The following SKIDA1 variants were observed in gnomAD, a reference collection of about 807,000 sequenced individuals.
SKIDA1 encodes the protein SKI/DACH domain-containing protein 1.
A neutral mutation model predicts 51.4 loss-of-function variants in SKIDA1; 18 were observed. The observed-to-expected ratio is 0.35, with a 90% CI of 0.24 to 0.52. The LOEUF is 0.52. Among genes scored for constraint, SKIDA1 ranks in the 20% least tolerant of loss-of-function variants. The pLI is 0.95. For synonymous variants in SKIDA1, 579 were observed against 500.5 expected (o/e 1.16, Z -2.09); for missense variants, 1,104 against 1,180.6 (o/e 0.94, Z 0.95).
chr10:21,517,441 G>T lies in SKIDA1; in HGVS notation c.382C>A (p.Arg128Ser), dbSNP rs1334070456. 2 of 1,498,192 alleles carry T rather than the reference G, an allele frequency of 1.3e-6. No individual in the cohort carries two copies. The highest frequency in any genetic ancestry group is 2.7e-5 in the South Asian group (2 of 75,364). The allele number at this position is 1,498,192 out of a possible 1,614,324, so 92.8% of individuals were successfully genotyped here. A position where few individuals can be genotyped will look rare whatever the true frequency, so the allele number is the denominator to read the frequency against. The change falls in exon 4 of 4, where the codon CGC (arginine) becomes AGC (serine). Residue 128 changes from arginine to serine, a missense_variant. By Grantham distance (110) the Arg-to-Ser change is moderately radical. Coordinates refer to ENST00000449193, the MANE Select transcript of SKIDA1 (RefSeq NM_207371.4). The surrounding 1 kb of genome is among the most constrained non-coding windows in gnomAD (Gnocchi z 6.9). ...PPERAAAASPRPGFWKDKHQL... is the reference protein window; with the variant it reads ...PPERAAAASPSPGFWKDKHQL... ...TGCTTGTCCTTCCAAAATCCCGGGCGGGGGCTGGCGGCAGCGGCGCGCTCT... is the reference window on the plus strand; with the variant it reads ...TGCTTGTCCTTCCAAAATCCCGGGCTGGGGCTGGCGGCAGCGGCGCGCTCT...
At chr10:21,524,987 T>C (rs2032629793) in intron 1 of SKIDA1, among the ~76,000 whole-genome samples, 1 of 152,136 alleles carries the variant, frequency 6.6e-6, no homozygotes, top group African/African-American at 2.4e-5. Context: ...GACTAAATAA[T>C]AATAAAAAAG....
rs1057164575 is a variant in SKIDA1 at position 21,523,875 on chromosome 10, C to G, written c.-2117-4G>C. 1 of 121,224 alleles carries G rather than the reference C, an allele frequency of 8.2e-6. No homozygotes were observed. Among genetic ancestry groups the G allele is most frequent in the Non-Finnish European group, 1.7e-5 (1 of 57,456 alleles). 7.5% of individuals were successfully genotyped at this position (121,224 alleles called of 1,614,324 possible). On this transcript the variant is annotated splice_polypyrimidine_tract_variant and splice_region_variant and intron_variant, in intron 1 of 3. Transcript: ENST00000449193. ...CACTGCTGCAGCTACTGGGAACCTA[C>G]AAAAAAGCGGGAGATAAAAAAAAAA...
In SKIDA1 at chr10:21,516,878, CGCCGCCGCCGCT is replaced by C. The variant is rs1313066916; in HGVS notation, c.933_944del (p.Ala315_Ala318del). On this transcript the variant is annotated inframe_deletion, in exon 4 of 4. Coordinates refer to ENST00000449193, the MANE Select transcript of SKIDA1 (RefSeq NM_207371.4). The surrounding 1 kb of genome is among the most constrained non-coding windows in gnomAD (Gnocchi z 5.7). ...CCAGGCAAGTGGCCCCCGCGGCGGC[CGCCGCCGCCGCT>C]GCCGCCGCCGCCGCCGCCGCCGCCG... 6.7e-5 allele frequency: 77 copies of C among 1,151,888 alleles called. 4 individuals carry two copies. The highest frequency in any genetic ancestry group is 4.3e-4 in the Admixed American group (9 of 20,938). The allele number at this position is 1,151,888 out of a possible 1,614,324, so 71.4% of individuals were successfully genotyped here.
chr10:21,524,305 T>C (rs1588692087), intron 1 of SKIDA1, among the ~76,000 whole-genome samples: 1 of 152,320 alleles, frequency 6.6e-6, no homozygotes, highest in South Asian at 2.1e-4. Flanking sequence ...TTCCGTTAAA[T>C]GCCGATACAA....
chr10:21,515,054 A>G lies in SKIDA1; in HGVS notation c.*42T>C. The G allele has an allele frequency of 6.6e-7, 1 of 1,513,220 alleles. No homozygotes were observed. Among genetic ancestry groups the G allele is most frequent in the Non-Finnish European group, 8.8e-7 (1 of 1,130,458 alleles). The allele number at this position is 1,513,220 out of a possible 1,614,324, so 93.7% of individuals were successfully genotyped here. On this transcript the variant is annotated 3_prime_UTR_variant, in exon 4 of 4. Coordinates refer to ENST00000449193, the MANE Select transcript of SKIDA1 (RefSeq NM_207371.4). ...ACCATCCTGTGCAGTTTACAACAAA[A>G]GGAAGGTAATATGGTTCAAGAAAAT...
rs2131272024 is a variant in SKIDA1 at position 21,516,893 on chromosome 10, C to CGGGTGTTT, written c.929_930insAAACACCC (p.Ala311AsnfsTer238). 2.1e-5 allele frequency: 24 copies of CGGGTGTTT among 1,117,556 alleles called. No homozygotes were observed. The South Asian group carries it at 2.5e-4, about 12-fold the overall frequency. The allele number at this position is 1,117,556 out of a possible 1,614,324, so 69.2% of individuals were successfully genotyped here. A position where few individuals can be genotyped will look rare whatever the true frequency, so the allele number is the denominator to read the frequency against. The stretch of plus-strand genomic sequence containing the variant: ...CCGCGGCGGCCGCCGCCGCCGCTGC[C>CGGGTGTTT]GCCGCCGCCGCCGCCGCCGCCGCCT... On this transcript the variant is annotated frameshift_variant, in exon 4 of 4. Coordinates refer to ENST00000449193, the MANE Select transcript of SKIDA1 (RefSeq NM_207371.4). LOFTEE classifies it high-confidence loss of function. This position sits in a 1 kb window ranked among gnomAD's most constrained non-coding sequence, Gnocchi z 5.7.
rs201491848 is a variant in SKIDA1 at position 21,515,873 on chromosome 10, A to G, written c.1950T>C (p.Ser650=). The change falls in exon 4 of 4, where the codon TCT becomes TCC. Residue 650 remains serine (S), a synonymous_variant. Coordinates refer to ENST00000449193, the MANE Select transcript of SKIDA1 (RefSeq NM_207371.4). ...HCPEFATDLP[S]SQTDPEVNAA... ...CGTTCACTTCAGGATCAGTCTGCGA[A>G]GAGGGCAAATCCGTAGCAAATTCAG... is the stretch of plus-strand genomic sequence containing the variant. 5 of 1,614,070 alleles carry G rather than the reference A, an allele frequency of 3.1e-6. No homozygotes were observed. In the East Asian group the frequency reaches 1.1e-4, roughly 36 times the overall value.
Position 21,515,780 on chromosome 10 carries a change from A to C in SKIDA1, c.2043T>G (p.Phe681Leu). 1 of 1,614,044 alleles carries C rather than the reference A, an allele frequency of 6.2e-7. No homozygotes were observed. The highest frequency in any genetic ancestry group is 8.5e-7 in the Non-Finnish European group (1 of 1,179,902). Residue 681 changes from phenylalanine (F) to leucine (L), a missense_variant, in exon 4 of 4, where the codon TTT (phenylalanine) becomes TTG (leucine). Coordinates refer to ENST00000449193, the MANE Select transcript of SKIDA1 (RefSeq NM_207371.4). ...CTDTGDKTLP[F>L]LHNIKIKVED... is the part of the protein sequence containing the mutation. ...CTACTTTGATTTTAATATTGTGCAG[A>C]AATGGCAATGTCTTGTCGCCTGTGT...
At position 21,518,598 on chromosome 10, in the gene SKIDA1, CGT is replaced by C. The variant is rs1290092563; in HGVS notation, c.-778_-777del. Reference sequence around the variant, plus strand: ...TTAAAGAAATACTGCCTATTTTTTTCGTTTATTTGCATTTTACCGATACAGCT... The same window carrying C: ...TTAAAGAAATACTGCCTATTTTTTTCTTATTTGCATTTTACCGATACAGCT... On this transcript the variant is annotated 5_prime_UTR_variant, in exon 4 of 4. It introduces an in-frame stop codon into an upstream open reading frame of the 5' UTR. Coordinates refer to ENST00000449193, the MANE Select transcript of SKIDA1 (RefSeq NM_207371.4). 1 of 165,576 alleles carries C rather than the reference CGT, an allele frequency of 6.0e-6. No individual in the cohort carries two copies. The highest frequency in any genetic ancestry group is 6.6e-5 in the Admixed American group (1 of 15,182). 10.3% of individuals were successfully genotyped at this position (165,576 alleles called of 1,614,324 possible). A position where few individuals can be genotyped will look rare whatever the true frequency, so the allele number is the denominator to read the frequency against.
rs1341694553 is a variant in SKIDA1, at chr10:21,519,499, G to A, written c.-1677C>T. 5.4e-5 allele frequency: 9 copies of A among 166,984 alleles called. No homozygotes were observed. Among genetic ancestry groups the A allele is most frequent in the African/African-American group, 1.7e-4 (7 of 41,424 alleles). 10.3% of individuals were successfully genotyped at this position (166,984 alleles called of 1,614,324 possible). A position where few individuals can be genotyped will look rare whatever the true frequency, so the allele number is the denominator to read the frequency against. On this transcript the variant is annotated 5_prime_UTR_variant, in exon 4 of 4. Transcript: ENST00000449193. ...CCCAGTCGCATTACCACGATCCCAA[G>A]GCGGCTCCTTGGCTGCTTTGCAAAA...
At chr10:21,523,465 T>C (rs2032495432) in intron 2 of SKIDA1, among the ~76,000 whole-genome samples, 1 of 152,208 alleles carries the variant, frequency 6.6e-6, no homozygotes, top group Non-Finnish European at 1.5e-5. Context: ...TATCTTGTTT[T>C]GTTGTAATAT....
rs746498800 is a variant in SKIDA1, at chr10:21,516,521, C to A, written c.1302G>T (p.Ser434=). 9 of 1,578,564 alleles carry A rather than the reference C, an allele frequency of 5.7e-6. No individual in the cohort carries two copies. In the Admixed American group the frequency reaches 1.7e-4, roughly 29 times the overall value. ...EEEEEGGSGA[S]DSSEVSSEEE... ...CCTCCGAGCTGACTTCACTGGAATC[C>A]GAGGCCCCGCTGCCCCCCTCCTCCT... The change falls in exon 4 of 4, where the codon TCG becomes TCT. Residue 434 remains serine, a synonymous_variant. Transcript: ENST00000449193. This position sits in a 1 kb window ranked among gnomAD's most constrained non-coding sequence, Gnocchi z 5.7.
At position 21,515,359 on chromosome 10, in the gene SKIDA1, C is replaced by T; in HGVS notation, c.2464G>A (p.Asp822Asn). The stretch of plus-strand genomic sequence containing the variant: ...TTGCGTCTGTTTATAACTGTAAAAT[C>T]ATCCAGTGTTCCTTCATTTGTCTCA... Reference protein sequence around the residue: ...KTETNEGTLDDFTVINRRKKV... With the variant: ...KTETNEGTLDNFTVINRRKKV... Residue 822 changes from aspartate to asparagine, a missense_variant, in exon 4 of 4, where the codon GAT (aspartate) becomes AAT (asparagine). Asp to Asn is a conservative substitution (Grantham distance 23). This residue lies in a region of SKIDA1 where 112 missense variants were observed against 168.3 expected (regional missense o/e 0.67). Coordinates refer to ENST00000449193, the MANE Select transcript of SKIDA1 (RefSeq NM_207371.4). 6.2e-7 allele frequency: 1 copy of T among 1,614,004 alleles called. No homozygotes were observed. The highest frequency in any genetic ancestry group is 8.5e-7 in the Non-Finnish European group (1 of 1,179,894).
rs190136529 is a variant in SKIDA1, at chr10:21,515,112, C to T, written c.2711G>A (p.Arg904Lys). 12 of 1,598,838 alleles carry T rather than the reference C, an allele frequency of 7.5e-6. No individual in the cohort carries two copies. The highest frequency in any genetic ancestry group is 1.0e-5 in the Non-Finnish European group (12 of 1,174,192). The change falls in exon 4 of 4, where the codon AGG becomes AAG. Residue 904 changes from arginine (R) to lysine (K), a missense_variant. Around this residue, in one of 3 missense-constraint regions of SKIDA1, gnomAD observed 112 missense variants for 168.3 expected, o/e 0.67. Coordinates refer to ENST00000449193, the MANE Select transcript of SKIDA1 (RefSeq NM_207371.4). ...AAAACATTTTTATGAATTAAATTTC[C>T]TGAATTTGTGACTAGGTGGAAGAGG... Reference protein sequence around the residue: ...AIPLPPSHKFRKFNS With the variant: ...AIPLPPSHKFKKFNS
chr10:21,520,725 C>A (rs2032370639), intron 3 of SKIDA1, among the ~76,000 whole-genome samples: 1 of 151,490 alleles, frequency 6.6e-6, no homozygotes, highest in Non-Finnish European at 1.5e-5. Context: ...CCTTCTTTTC[C>A]TCTCTCTTCC....
rs897987701 is a variant in SKIDA1, at chr10:21,520,765, A to G, written c.-1837+624T>C. On this transcript the variant is annotated intron_variant, in intron 3 of 3. Transcript: ENST00000449193. ...TTTCCACCTTTAAAATATTGGCAATATAGGTGGTTTTGAAAACTAGTAGCA... is the reference window on the plus strand; with the variant it reads ...TTTCCACCTTTAAAATATTGGCAATGTAGGTGGTTTTGAAAACTAGTAGCA... 1.3e-4 allele frequency among the ~76,000 whole-genome samples: 19 copies of G among 151,790 alleles called. No individual in the cohort carries two copies. In the East Asian group the frequency reaches 1.7e-3, roughly 14 times the overall value.
intron 3 of SKIDA1, among the ~76,000 whole-genome samples, chr10:21,520,490 C>A (rs2032364063): frequency 4.3e-5 from 2 of 46,446 alleles, no homozygotes; most frequent in African/African-American, 1.2e-4. Flanking sequence ...CCCCGCCATT[C>A]CCCTCCCCCA....
chr10:21,515,940 G>T lies in SKIDA1; in HGVS notation c.1883C>A (p.Ala628Glu), dbSNP rs372541967. ...GGAATATTTTTCTGAATTTGCTTCT[G>T]CTCCTGAAGAATCATTATTTAAGAA... ...ARFLNNDSSGAEANSEKYSKI... is the reference protein window; with the variant it reads ...ARFLNNDSSGEEANSEKYSKI... Residue 628 changes from alanine to glutamate, a missense_variant, in exon 4 of 4, where the codon GCA becomes GAA. Around this residue, in one of 3 missense-constraint regions of SKIDA1, gnomAD observed 938 missense variants for 886.4 expected, o/e 1.06. Coordinates refer to ENST00000449193, the MANE Select transcript of SKIDA1 (RefSeq NM_207371.4). 44 of 1,613,850 alleles carry T rather than the reference G, an allele frequency of 2.7e-5. No homozygotes were observed. The highest frequency in any genetic ancestry group is 3.6e-5 in the Non-Finnish European group (42 of 1,179,878).
In SKIDA1 at chr10:21,515,820, T is replaced by G. The variant is rs1277939619; in HGVS notation, c.2003A>C (p.Glu668Ala). Residue 668 changes from glutamate (E) to alanine (A), a missense_variant, in exon 4 of 4, where the codon GAG (glutamate) becomes GCG (alanine). Transcript: ENST00000449193. ...NAAGAAATKA[E>A]NPCTDTGDKT... ...GTCGCCTGTGTCAGTGCAGGGATTC[T>G]CGGCTTTAGTTGCTGCTGCTCCTGC... 1 of 1,614,024 alleles carries G rather than the reference T, an allele frequency of 6.2e-7. No individual in the cohort carries two copies. Among genetic ancestry groups the G allele is most frequent in the Admixed American group, 1.7e-5 (1 of 60,028 alleles).
Sources: gnomAD v4.1 joint callset for allele counts (sites outside exome capture counted in the v4.1 genomes callset) on GRCh38, gnomAD v4.1.1 for gene constraint, gnomAD v4.1.1 regional missense constraint, Gnocchi (gnomAD v3.1) non-coding constraint, MANE v1.5 for transcripts, NCBI Gene and HGNC (gene_info 2026-07-23, HGNC 2026-07-21) for gene names.